The following KIAA2012 variants were observed in gnomAD, a reference collection of about 807,000 sequenced individuals.
KIAA2012 encodes KIAA2012.
In KIAA2012, 125 loss-of-function variants were observed where a neutral mutation model predicts 150.6. The ratio of observed to expected loss-of-function variants is 0.83; its 90% CI spans 0.72 to 0.96. The LOEUF is 0.96. KIAA2012 is among the 40% of genes least tolerant of loss of function. The pLI is 0.00. For synonymous variants in KIAA2012, 462 were observed against 504.7 expected (o/e 0.92, Z 1.13); for missense variants, 1,219 against 1,354.9 (o/e 0.90, Z 1.57).
At chr2:202,191,553 C>CAAAAA (rs11306656) in intron 19 of KIAA2012, among the ~76,000 whole-genome samples, 1 of 143,858 alleles carries the variant, frequency 7.0e-6, no homozygotes, top group Non-Finnish European at 1.5e-5. Flanking sequence ...TATCTCTAAC[C>CAAAAA]AAAAAAAAAA....
intron 15 of KIAA2012, among the ~76,000 whole-genome samples, chr2:202,166,634 G>T (rs1013017202): frequency 1.3e-5 from 2 of 150,624 alleles, no homozygotes; most frequent in South Asian, 4.2e-4. Flanking sequence ...TCCAGCCTGG[G>T]CAACAGAACC....
chr2:202,185,045 A>G (rs936119963), intron 16 of KIAA2012, among the ~76,000 whole-genome samples: 3 of 152,168 alleles, frequency 2.0e-5, no homozygotes, highest in Non-Finnish European at 4.4e-5. Flanking sequence ...TACCTAAATC[A>G]TATTTATTTG....
intron 19 of KIAA2012, among the ~76,000 whole-genome samples, chr2:202,193,045 T>C (rs532981198): frequency 2.7e-4 from 41 of 152,290 alleles, no homozygotes; most frequent in African/African-American, 9.1e-4. Flanking sequence ...AACAGTACCA[T>C]GAGGAAGACA....
intron 14 of KIAA2012, among the ~76,000 whole-genome samples, chr2:202,159,733 T>C (rs1181783993): frequency 6.6e-6 from 1 of 152,078 alleles, no homozygotes; most frequent in Non-Finnish European, 1.5e-5. Context: ...TCCCAGCTAC[T>C]CAGGGGGCTG....
At position 202,133,083 on chromosome 2, in the gene KIAA2012, C is replaced by T. The variant is rs1368046229; in HGVS notation, c.1832-5349C>T. Among the ~76,000 whole-genome samples, 3 of 116,394 alleles carry T rather than the reference C, an allele frequency of 2.6e-5. 1 individual carries two copies. Among genetic ancestry groups the T allele is most frequent in the South Asian group, 2.9e-4 (1 of 3,464 alleles). 76.4% of individuals were successfully genotyped at this position (116,394 alleles called of 152,430 possible). On this transcript the variant is annotated intron_variant, in intron 12 of 23. Coordinates refer to ENST00000498697, the MANE Select transcript of KIAA2012 (RefSeq NM_001277372.4). The stretch of plus-strand genomic sequence containing the variant: ...TCGTGCCACTGCACTCCAGCCTGGG[C>T]GACAGTGTGAGACTGTCTAAAAAAA...
intron 13 of KIAA2012, among the ~76,000 whole-genome samples, chr2:202,153,361 C>T (rs1234200688): frequency 6.6e-6 from 1 of 152,108 alleles, no homozygotes; most frequent in African/African-American, 2.4e-5. Flanking sequence ...GGAAGCCATA[C>T]TTGAAAGATG....
intron 21 of KIAA2012, among the ~76,000 whole-genome samples, chr2:202,196,181 C>CTTTTTT (rs869180930): frequency 1.1e-5 from 1 of 93,684 alleles, no homozygotes; most frequent in African/African-American, 4.8e-5. Context: ...CTTTTCTTTT[C>CTTTTTT]TTTTCTTTTT....
intron 2 of KIAA2012, among the ~76,000 whole-genome samples, chr2:202,080,945 G>A (rs1574999783): frequency 6.6e-6 from 1 of 151,200 alleles, no homozygotes; most frequent in South Asian, 2.1e-4. Context: ...TCCATTTCCA[G>A]GAGTTTTGTC....
chr2:202,116,457 A>C (rs1690527063), intron 11 of KIAA2012: 4 of 115,684 alleles, frequency 3.5e-5, no homozygotes, highest in Non-Finnish European at 6.7e-5. Context: ...ACGAGCCACC[A>C]TGCCCGGCTT....
chr2:202,074,905 G>A lies in KIAA2012; in HGVS notation c.99G>A (p.Trp33Ter), dbSNP rs1279463904. ...VYFEPEDYLN[W>*]RSPEDYVPVS... The stretch of plus-strand genomic sequence containing the variant: ...TCTCATTGCAGGATTACTTGAACTG[G>A]AGGTCCCCAGAAGACTATGTTCCTG... Residue 33 changes from tryptophan (W) to a stop codon, truncating the protein, a stop_gained, in exon 2 of 24, where the codon TGG becomes TGA. Transcript: ENST00000498697. LOFTEE classifies it high-confidence loss of function. The A allele has an allele frequency of 1.3e-6, 2 of 1,546,916 alleles. No homozygotes were observed. Among genetic ancestry groups the A allele is most frequent in the Non-Finnish European group, 1.7e-6 (2 of 1,145,942 alleles).
At chr2:202,094,418 T>C (rs1226061161) in intron 4 of KIAA2012, among the ~76,000 whole-genome samples, 1 of 152,248 alleles carries the variant, frequency 6.6e-6, no homozygotes, top group African/African-American at 2.4e-5. Flanking sequence ...TGGCAGGTTC[T>C]CAGAGCCTGG....
intron 14 of KIAA2012, among the ~76,000 whole-genome samples, chr2:202,156,560 G>A (rs1691530658): frequency 6.6e-6 from 1 of 152,124 alleles, no homozygotes; most frequent in Admixed American, 6.5e-5. Context: ...TAATACACAA[G>A]CAGAGTGTGT....
At chr2:202,106,697 A>AT (rs1559206261) in intron 9 of KIAA2012, among the ~76,000 whole-genome samples, 1 of 135,054 alleles carries the variant, frequency 7.4e-6, no homozygotes, top group Non-Finnish European at 1.5e-5. Context: ...AAAATAAAAA[A>AT]AAAAAATTTT....
intron 1 of KIAA2012, 46 bp from the exon 2 acceptor site, chr2:202,074,845 A>G: frequency 6.7e-7 from 1 of 1,496,080 alleles, no homozygotes. Flanking sequence ...TGCTATAGAA[A>G]GGTCTTCCAC....
intron 2 of KIAA2012, among the ~76,000 whole-genome samples, chr2:202,077,714 G>A (rs572351533): frequency 6.6e-6 from 1 of 152,274 alleles, no homozygotes; most frequent in South Asian, 2.1e-4. Context: ...CCTCACACCT[G>A]TAATCCAGCA....
At chr2:202,105,551 G>A (rs997669502) in intron 8 of KIAA2012, among the ~76,000 whole-genome samples, 1 of 152,144 alleles carries the variant, frequency 6.6e-6, no homozygotes, top group African/African-American at 2.4e-5. Context: ...TGGGCCATGT[G>A]CCCACCCCGG....
At chr2:202,106,002 A>G in intron 9 of KIAA2012, 92 bp downstream of exon 9, 1 of 1,547,998 alleles carries the variant, frequency 6.5e-7, no homozygotes, top group Non-Finnish European at 8.7e-7. Flanking sequence ...AAGGAAAAGG[A>G]GTCTGGAAGG....
chr2:202,178,829 C>G (rs1481538397), intron 15 of KIAA2012: 1 of 187,118 alleles, frequency 5.3e-6, no homozygotes, highest in Non-Finnish European at 1.1e-5. Flanking sequence ...ATTTGAGAGA[C>G]AGTGGACACC....
At chr2:202,105,558 C>A (rs1030019420) in intron 8 of KIAA2012, among the ~76,000 whole-genome samples, 3 of 152,200 alleles carry the variant, frequency 2.0e-5, no homozygotes, top group Admixed American at 6.5e-5. Flanking sequence ...TGTGCCCACC[C>A]CGGAACCAAT....
Sources: allele counts gnomAD v4.1 joint callset (sites outside exome capture counted in the v4.1 genomes callset), GRCh38; gene constraint gnomAD v4.1.1; transcripts MANE v1.5; gene names NCBI Gene and HGNC (gene_info 2026-07-23, HGNC 2026-07-21).